The following PBX1 variants were observed in gnomAD, a reference collection of about 807,000 sequenced individuals.
PBX1 encodes the protein pre-B-cell leukemia transcription factor 1.
PBX1 carries 6 observed loss-of-function variants against 53.4 expected under a neutral mutation model. The ratio of observed to expected loss-of-function variants is 0.11; its 90% CI spans 0.06 to 0.22. The LOEUF (loss-of-function observed/expected upper bound fraction) is 0.22. Among genes scored for constraint, PBX1 ranks in the 10% least tolerant of loss-of-function variants. The probability of loss-of-function intolerance (pLI) is 1.00; values close to 1 mark genes in which losing one functional copy is unlikely to be tolerated. For missense variants in PBX1, 251 were observed against 551.4 expected (o/e 0.46, Z 5.46); for synonymous variants, 204 against 212.3 (o/e 0.96, Z 0.34).
intron 2 of PBX1, among the ~76,000 whole-genome samples, chr1:164,670,908 C>A (rs953137019): frequency 1.3e-5 from 2 of 152,182 alleles, no homozygotes; most frequent in Non-Finnish European, 2.9e-5. Flanking sequence ...AGTGCCTTAT[C>A]TAATGCAAAT....
At chr1:164,751,789 C>T (rs901350834) in intron 2 of PBX1, among the ~76,000 whole-genome samples, 1 of 151,828 alleles carries the variant, frequency 6.6e-6, no homozygotes, top group Non-Finnish European at 1.5e-5. Flanking sequence ...ACCATGTTGG[C>T]CAGGCTGATC....
chr1:164,721,807 C>T (rs1025206685), intron 2 of PBX1, among the ~76,000 whole-genome samples: 1 of 152,176 alleles, frequency 6.6e-6, no homozygotes. Flanking sequence ...TTTTCACTTA[C>T]AGTGCTTCAT....
chr1:164,826,018 T>A (rs2102377079), intron 8 of PBX1, among the ~76,000 whole-genome samples: 1 of 152,280 alleles, frequency 6.6e-6, no homozygotes, highest in African/African-American at 2.4e-5. Flanking sequence ...AACTTGAAAT[T>A]GGGAAACTTA....
chr1:164,630,762 C>G (rs1169611447), intron 2 of PBX1, among the ~76,000 whole-genome samples: 2 of 152,178 alleles, frequency 1.3e-5, no homozygotes, highest in Non-Finnish European at 2.9e-5. Context: ...TTGCATTGCC[C>G]CTACCAGGTA....
At chr1:164,725,603 C>A (rs965050706) in intron 2 of PBX1, among the ~76,000 whole-genome samples, 3 of 152,134 alleles carry the variant, frequency 2.0e-5, no homozygotes, top group African/African-American at 7.2e-5. Flanking sequence ...CATAAACACA[C>A]AACATGGTTC....
At chr1:164,833,389 G>A (rs775353321) in intron 8 of PBX1, among the ~76,000 whole-genome samples, 3 of 152,018 alleles carry the variant, frequency 2.0e-5, no homozygotes, top group Non-Finnish European at 2.9e-5. Flanking sequence ...TTTTTCTCTC[G>A]TCATAGATAA....
chr1:164,785,147 A>G (rs1668113774), intron 2 of PBX1, among the ~76,000 whole-genome samples: 1 of 152,190 alleles, frequency 6.6e-6, no homozygotes, highest in South Asian at 2.1e-4. Context: ...GAAGGTGTCA[A>G]CTCGGGTGGT....
At chr1:164,733,437 T>C (rs1407162680) in intron 2 of PBX1, among the ~76,000 whole-genome samples, 1 of 152,168 alleles carries the variant, frequency 6.6e-6, no homozygotes, top group Non-Finnish European at 1.5e-5. Flanking sequence ...CTTTCACCCT[T>C]GCACAGGAGG....
intron 2 of PBX1, among the ~76,000 whole-genome samples, chr1:164,617,329 G>A (rs944341112): frequency 9.2e-5 from 14 of 152,202 alleles, no homozygotes; most frequent in African/African-American, 1.7e-4. Context: ...GAGAGAATAA[G>A]GAGGAGATTG....
intron 2 of PBX1, among the ~76,000 whole-genome samples, chr1:164,625,445 A>G (rs952254642): frequency 6.6e-6 from 1 of 152,252 alleles, no homozygotes; most frequent in Admixed American, 6.5e-5. Context: ...TTCCCCGTAC[A>G]TTTTTATTGT....
At chr1:164,576,996 A>T (rs954977391) in intron 2 of PBX1, 3 of 152,198 alleles carry the variant, frequency 2.0e-5, no homozygotes, top group Non-Finnish European at 4.4e-5. Flanking sequence ...GCCGCGTGTG[A>T]GCACGTGGGT....
At position 164,752,206 on chromosome 1, in the gene PBX1, T is replaced by TTCTGTGTG. The variant is rs1553240571; in HGVS notation, c.266-40287_266-40286insCTGTGTGT. On this transcript the variant is annotated intron_variant, in intron 2 of 8. Transcript: ENST00000420696. ...TGTCCATTTAGACCCCTTTAAGGTT[T>TTCTGTGTG]TGTGTGTGTGTGTGTGTGTGTGTGT... 5.6e-3 allele frequency among the ~76,000 whole-genome samples: 807 copies of TTCTGTGTG among 143,124 alleles called. 5 individuals carry two copies. The highest frequency in any genetic ancestry group is 0.02 in the African/African-American group (772 of 38,686). The allele number at this position is 143,124 out of a possible 152,430, so 93.9% of individuals were successfully genotyped here.
At chr1:164,593,868 G>C (rs2792252) in intron 2 of PBX1, among the ~76,000 whole-genome samples, 129,669 of 152,044 alleles carry the variant, frequency 0.85, 55,615 homozygotes, top group African/African-American at 0.9. Context: ...TCGAGAGATT[G>C]AGCTCCTGAT....
chr1:164,740,313 C>T (rs1006781793), intron 2 of PBX1, among the ~76,000 whole-genome samples: 1 of 151,586 alleles, frequency 6.6e-6, no homozygotes, highest in African/African-American at 2.4e-5. Context: ...ATACTTTATA[C>T]GTGCCAAAGA....
chr1:164,565,317 C>G (rs1653355876), intron 2 of PBX1, among the ~76,000 whole-genome samples: 1 of 151,702 alleles, frequency 6.6e-6, no homozygotes, highest in Non-Finnish European at 1.5e-5. Context: ...TTAAAAAAAT[C>G]TAAATTAAGG....
rs1658487473 is a variant in PBX1, at chr1:164,632,712, CTA to C, written c.265+69402_265+69403del. ...CTAGGCTTTTATAATGATTAATACA[CTA>C]GGAAGAATCAGTGGTACGGACACAT... On this transcript the variant is annotated intron_variant, in intron 2 of 8. Coordinates refer to ENST00000420696, the MANE Select transcript of PBX1 (RefSeq NM_002585.4). Among the ~76,000 whole-genome samples the C allele has an allele frequency of 2.0e-5, 3 of 152,088 alleles. No individual in the cohort carries two copies. In the South Asian group the frequency reaches 6.2e-4, roughly 32 times the overall value.
chr1:164,638,728 C>T (rs111633878), intron 2 of PBX1, among the ~76,000 whole-genome samples: 17 of 152,296 alleles, frequency 1.1e-4, no homozygotes, highest in Admixed American at 5.9e-4. Context: ...CAGCTCTGAC[C>T]GTCACCGTCA....
At chr1:164,870,287 T>A (rs1457910288) in intron 2 of PBX1, among the ~76,000 whole-genome samples, 1 of 29,384 alleles carries the variant, frequency 3.4e-5, no homozygotes, top group Non-Finnish European at 6.9e-5. Flanking sequence ...CTTTCTTTCT[T>A]TCTTTCTTTC....
intron 8 of PBX1, among the ~76,000 whole-genome samples, chr1:164,842,728 T>C (rs1418055878): frequency 1.3e-5 from 2 of 152,148 alleles, no homozygotes; most frequent in Admixed American, 6.5e-5. Flanking sequence ...TTTTAGCAAT[T>C]AAAAGTGTAC....
Sources: gnomAD v4.1 joint callset for allele counts (sites outside exome capture counted in the v4.1 genomes callset) on GRCh38, gnomAD v4.1.1 for gene constraint, MANE v1.5 for transcripts, NCBI Gene and HGNC (gene_info 2026-07-23, HGNC 2026-07-21) for gene names.